The following UGT1A7 variants were observed in gnomAD, a reference collection of about 807,000 sequenced individuals.
The protein encoded by UGT1A7 is UDP glucuronosyltransferase family 1 member A7.
A neutral mutation model predicts 45.6 loss-of-function variants in UGT1A7; 33 were observed. The observed-to-expected ratio is 0.72, with a 90% CI of 0.55 to 0.97. The LOEUF (loss-of-function observed/expected upper bound fraction) is 0.97. Ranked by LOEUF, UGT1A7 falls within the 50% of genes least tolerant of loss-of-function variation. The pLI is 0.00. For missense variants in UGT1A7, 684 were observed against 666.2 expected, an observed-to-expected ratio of 1.03 and a Z score of -0.29; for synonymous variants, 274 against 250.6, an observed-to-expected ratio of 1.09 and a Z score of -0.88.
At chr2:233,697,189 C>T (rs1604144) in intron 1 of UGT1A7, among the ~76,000 whole-genome samples, 49,533 of 151,890 alleles carry the variant, frequency 0.33, 8,582 homozygotes, top group African/African-American at 0.44. Context: ...TAGAATTCAG[C>T]AGTGAATCCA....
intron 1 of UGT1A7, among the ~76,000 whole-genome samples, chr2:233,737,436 G>T (rs969816672): frequency 6.6e-6 from 1 of 152,186 alleles, no homozygotes; most frequent in African/African-American, 2.4e-5. Flanking sequence ...GGGTGGGAGT[G>T]TCCCGTTTTT....
chr2:233,716,286 T>G (rs886776584), intron 1 of UGT1A7, among the ~76,000 whole-genome samples: 1 of 152,132 alleles, frequency 6.6e-6, no homozygotes, highest in African/African-American at 2.4e-5. Flanking sequence ...CTTAATATAA[T>G]CACATCTATA....
chr2:233,697,897 T>A (rs1318608341), intron 1 of UGT1A7, among the ~76,000 whole-genome samples: 2 of 152,250 alleles, frequency 1.3e-5, no homozygotes, highest in East Asian at 3.8e-4. Context: ...TTGAATCAAA[T>A]CTATTGACTC....
At chr2:233,734,353 G>A (rs1251475810) in intron 1 of UGT1A7, among the ~76,000 whole-genome samples, 8 of 152,136 alleles carry the variant, frequency 5.3e-5, no homozygotes, top group Non-Finnish European at 1.2e-4. Flanking sequence ...TTGTATTTCT[G>A]TGGGATCGGT....
At position 233,767,086 on chromosome 2, in the gene UGT1A7, C is replaced by A. The variant is rs1169717734; in HGVS notation, c.908C>A (p.Ser303Tyr). 2 of 1,614,008 alleles carry A rather than the reference C, an allele frequency of 1.2e-6. No individual in the cohort carries two copies. Among genetic ancestry groups the A allele is most frequent in the Non-Finnish European group, 1.7e-6 (2 of 1,180,008 alleles). Residue 303 changes from serine (S) to tyrosine (Y), a missense_variant, in exon 2 of 5, where the codon TCT becomes TAT. Coordinates refer to ENST00000373426, the MANE Select transcript of UGT1A7 (RefSeq NM_019077.3). ...ASGEHGIVVF[S>Y]LGSMVSEIPE... ...GGAGAACATGGAATTGTGGTTTTCT[C>A]TTTGGGATCAATGGTCTCAGAAATT...
chr2:233,751,853 G>A (rs1265924436), intron 1 of UGT1A7, among the ~76,000 whole-genome samples: 1 of 152,032 alleles, frequency 6.6e-6, no homozygotes, highest in Admixed American at 6.5e-5. Context: ...TTAAACCTTT[G>A]TCTTTTATAA....
chr2:233,710,719 T>A (rs1013193307), intron 1 of UGT1A7, among the ~76,000 whole-genome samples: 1 of 152,218 alleles, frequency 6.6e-6, no homozygotes, highest in Non-Finnish European at 1.5e-5. Flanking sequence ...TTTCATTTTT[T>A]AAAAAACAAC....
intron 1 of UGT1A7, among the ~76,000 whole-genome samples, chr2:233,765,636 G>A (rs1698897187): frequency 6.6e-6 from 1 of 151,630 alleles, no homozygotes; most frequent in Non-Finnish European, 1.5e-5. Context: ...GGAACTTAGA[G>A]GATAGGTCAA....
intron 1 of UGT1A7, among the ~76,000 whole-genome samples, chr2:233,717,417 G>C (rs2076571839): frequency 6.6e-6 from 1 of 152,224 alleles, no homozygotes; most frequent in Non-Finnish European, 1.5e-5. Flanking sequence ...CCTCCCTTGA[G>C]CTGGGTGTCC....
At chr2:233,755,289 T>G in intron 1 of UGT1A7, 1 of 651,342 alleles carries the variant, frequency 1.5e-6, no homozygotes, top group East Asian at 5.8e-5. Flanking sequence ...CCAAAGAGCC[T>G]GCGGGGCACT....
intron 1 of UGT1A7, among the ~76,000 whole-genome samples, chr2:233,701,759 A>C (rs1211799362): frequency 5.3e-5 from 8 of 152,238 alleles, no homozygotes; most frequent in African/African-American, 1.9e-4. Flanking sequence ...GTACATAACG[A>C]AATGAAGGCA....
At chr2:233,684,395 T>C (rs4347832) in intron 1 of UGT1A7, among the ~76,000 whole-genome samples, 59,172 of 151,980 alleles carry the variant, frequency 0.39, 11,716 homozygotes, top group South Asian at 0.45. Context: ...GCACCAGCCA[T>C]CACTCAGGTA....
intron 1 of UGT1A7, among the ~76,000 whole-genome samples, chr2:233,761,459 C>T (rs974462920): frequency 3.9e-5 from 6 of 152,156 alleles, no homozygotes; most frequent in African/African-American, 1.4e-4. Context: ...TTTGGGGCAC[C>T]CTGCAGAAAA....
At chr2:233,683,971 C>A (rs1245764667) in intron 1 of UGT1A7, among the ~76,000 whole-genome samples, 1 of 152,146 alleles carries the variant, frequency 6.6e-6, no homozygotes, top group African/African-American at 2.4e-5. Flanking sequence ...GATTTGGTCA[C>A]TTGCAATTGA....
chr2:233,726,116 T>C (rs1575565636), intron 1 of UGT1A7, among the ~76,000 whole-genome samples: 1 of 152,166 alleles, frequency 6.6e-6, no homozygotes, highest in East Asian at 1.9e-4. Flanking sequence ...CAGTGTGCCA[T>C]GTTCACACCA....
At position 233,769,677 on chromosome 2, in the gene UGT1A7, G is replaced by A; in HGVS notation, c.1295+1238G>A. 6.3e-6 allele frequency: 10 copies of A among 1,577,312 alleles called. No homozygotes were observed. Among genetic ancestry groups the A allele is most frequent in the Non-Finnish European group, 8.6e-6 (10 of 1,161,616 alleles). ...TCCCACCTTTGAGGTGCTAATGTGT[G>A]TGTGGTGGCACTGGATAAAAGATCA... On this transcript the variant is annotated intron_variant, in intron 4 of 4. Transcript: ENST00000373426. The surrounding 1 kb of genome is among the most constrained non-coding windows in gnomAD (Gnocchi z 4.4).
intron 1 of UGT1A7, among the ~76,000 whole-genome samples, chr2:233,697,886 A>G (rs2075415828): frequency 6.6e-6 from 1 of 152,190 alleles, no homozygotes; most frequent in Non-Finnish European, 1.5e-5. Flanking sequence ...CTTACCATTG[A>G]TTGAATCAAA....
At chr2:233,772,179 CT>C in intron 4 of UGT1A7, 82 bp from the exon 5 acceptor site, 1 of 1,585,310 alleles carries the variant, frequency 6.3e-7, no homozygotes, top group Non-Finnish European at 8.6e-7. Flanking sequence ...ATCTGGTAGT[CT>C]TCTTAAGCAG....
intron 1 of UGT1A7, among the ~76,000 whole-genome samples, chr2:233,731,531 G>A (rs1424894745): frequency 2.0e-5 from 3 of 152,100 alleles, no homozygotes; most frequent in African/African-American, 4.8e-5. Context: ...GAGAACATGC[G>A]GTGTTTGGTT....
Sources: allele counts gnomAD v4.1 joint callset (sites outside exome capture counted in the v4.1 genomes callset), GRCh38; gene constraint gnomAD v4.1.1; non-coding constraint Gnocchi (gnomAD v3.1); transcripts MANE v1.5; gene names NCBI Gene and HGNC (gene_info 2026-07-23, HGNC 2026-07-21).